Variants in CASK observed in about 807,000 individuals in gnomAD.
The protein encoded by CASK is calcium/calmodulin dependent serine protein kinase.
Under a neutral mutation model 82.9 loss-of-function variants are expected in CASK, and 4 were observed. That is an observed-to-expected ratio of 0.05 (90% CI 0.02 to 0.11). The LOEUF (loss-of-function observed/expected upper bound fraction) is 0.11, where lower values mean the gene tolerates loss of function less well. Ranked by LOEUF, CASK falls within the 10% of genes least tolerant of loss-of-function variation. The pLI is 1.00. For synonymous variants in CASK, 259 were observed against 253.5 expected (o/e 1.02, Z -0.20); for missense variants, 358 against 720.9 (o/e 0.50, Z 5.76).
intron 1 of CASK, among the ~76,000 whole-genome samples, chrX:41,889,367 T>C (rs950186527): frequency 9.0e-6 from 1 of 110,622 alleles, no homozygotes; most frequent in Admixed American, 9.7e-5. Flanking sequence ...TGGTATTGCA[T>C]TGTGGTTTTG....
chrX:41,555,450 T>C (rs767332504), intron 20 of CASK, 150 bp downstream of exon 20: 1 of 469,089 alleles, frequency 2.1e-6, no homozygotes, highest in African/African-American at 2.4e-5. Context: ...GAATTAGTCA[T>C]GTGTAATGTG....
At chrX:41,854,222 GCGCACACACACACACACACACA>G (rs1397084035) in intron 1 of CASK, among the ~76,000 whole-genome samples, 3 of 83,458 alleles carry the variant, frequency 3.6e-5, no homozygotes, top group Non-Finnish European at 2.3e-5. Context: ...GCGCGGGCGC[GCGCACACACACACACACACACA>G]CACACACACA....
At chrX:41,764,165 A>G (rs1450342064) in intron 3 of CASK, among the ~76,000 whole-genome samples, 1 of 111,602 alleles carries the variant, frequency 9.0e-6, no homozygotes, top group Non-Finnish European at 1.9e-5. Flanking sequence ...GGAACTAAGA[A>G]TTACCCAAAC....
intron 2 of CASK, among the ~76,000 whole-genome samples, chrX:41,817,504 A>C (rs2070436823): frequency 8.9e-6 from 1 of 111,858 alleles, no homozygotes; most frequent in Admixed American, 9.5e-5. Flanking sequence ...TCTACAAAAA[A>C]GCTATTAGAA....
At chrX:41,854,274 G>A (rs1449726323) in intron 1 of CASK, among the ~76,000 whole-genome samples, 5 of 69,977 alleles carry the variant, frequency 7.1e-5, no homozygotes, top group Non-Finnish European at 1.2e-4. Flanking sequence ...ACACACACAC[G>A]GTTCCCTGTG....
At chrX:41,642,453 T>C (rs1437328608) in intron 8 of CASK, among the ~76,000 whole-genome samples, 1 of 112,154 alleles carries the variant, frequency 8.9e-6, no homozygotes, top group Admixed American at 9.4e-5. Context: ...TGGTGTGAGA[T>C]GGTATCTCAT....
intron 2 of CASK, among the ~76,000 whole-genome samples, chrX:41,813,426 GA>G (rs2070344343): frequency 9.0e-6 from 1 of 110,825 alleles, no homozygotes; most frequent in Admixed American, 9.6e-5. Flanking sequence ...AGAGCCCTCA[GA>G]AATAATACCA....
At chrX:41,818,557 C>G (rs759247681) in intron 2 of CASK, among the ~76,000 whole-genome samples, 1 of 110,421 alleles carries the variant, frequency 9.1e-6, no homozygotes, top group South Asian at 3.9e-4. Context: ...GAGCTGAGAT[C>G]ACCCCACTGC....
intron 2 of CASK, among the ~76,000 whole-genome samples, chrX:41,826,922 T>C (rs2070680597): frequency 8.9e-6 from 1 of 112,419 alleles, no homozygotes; most frequent in African/African-American, 3.2e-5. Flanking sequence ...TTAATAATTA[T>C]TGACTATTTA....
chrX:41,921,828 C>G (rs1223329882), intron 1 of CASK, among the ~76,000 whole-genome samples: 1 of 98,426 alleles, frequency 1.0e-5, no homozygotes, highest in Non-Finnish European at 2.0e-5. Context: ...GGTTTCATTT[C>G]CCAACTGTGG....
chrX:41,887,296 CCACACACACA>C (rs3055225), intron 1 of CASK, among the ~76,000 whole-genome samples: 223 of 83,493 alleles, frequency 2.7e-3, no homozygotes, highest in Middle Eastern at 6.1e-3. Context: ...CTAGTTGAGT[CCACACACACA>C]CACACACACA....
chrX:41,628,326 C>T (rs1386166610), intron 9 of CASK, among the ~76,000 whole-genome samples: 1 of 111,926 alleles, frequency 8.9e-6, no homozygotes, highest in Non-Finnish European at 1.9e-5. Context: ...TTTTTTGAGA[C>T]AGGGTCTCGC....
At chrX:41,883,262 T>C (rs1195407) in intron 1 of CASK, among the ~76,000 whole-genome samples, 20,261 of 111,157 alleles carry the variant, frequency 0.18, 1,537 homozygotes, top group Middle Eastern at 0.3. Context: ...AGCCTTCAAT[T>C]TAAATCGACT....
At chrX:41,869,466 G>A (rs931324744) in intron 1 of CASK, among the ~76,000 whole-genome samples, 3 of 110,968 alleles carry the variant, frequency 2.7e-5, no homozygotes, top group African/African-American at 6.6e-5. Context: ...AAAAGATACC[G>A]TATCTTAGAA....
intron 4 of CASK, among the ~76,000 whole-genome samples, chrX:41,744,129 CAA>C (rs79706632): frequency 1.1e-5 from 1 of 91,880 alleles, no homozygotes; most frequent in African/African-American, 4.0e-5. Flanking sequence ...GCACCCCCCG[CAA>C]AAAAAAAAAA....
intron 10 of CASK, among the ~76,000 whole-genome samples, chrX:41,625,942 CTTTTTTTTTTTTT>C (rs748063155): frequency 2.5e-5 from 1 of 40,367 alleles, no homozygotes; most frequent in African/African-American, 8.8e-5. Context: ...GCACGCCTGG[CTTTTTTTTTTTTT>C]TTTTTTTTTT....
At chrX:41,550,879 C>T (rs903421306) in intron 21 of CASK, among the ~76,000 whole-genome samples, 1 of 111,687 alleles carries the variant, frequency 9.0e-6, no homozygotes, top group African/African-American at 3.3e-5. Flanking sequence ...CCATTGCACT[C>T]CAGCCTGGGC....
chrX:41,826,881 T>A (rs886893393), intron 2 of CASK, among the ~76,000 whole-genome samples: 3 of 112,364 alleles, frequency 2.7e-5, no homozygotes, highest in African/African-American at 9.7e-5. Context: ...TTTAGTGTAA[T>A]TGTATCCCTT....
chrX:41,760,067 C>T (rs973731176), intron 3 of CASK, among the ~76,000 whole-genome samples: 1 of 111,928 alleles, frequency 8.9e-6, no homozygotes. Flanking sequence ...AATTCTAAGA[C>T]GACCTCTGGA....
Sources: gnomAD v4.1 joint callset for allele counts (sites outside exome capture counted in the v4.1 genomes callset) on GRCh38, gnomAD v4.1.1 for gene constraint, MANE v1.5 for transcripts, NCBI Gene and HGNC (gene_info 2026-07-23, HGNC 2026-07-21) for gene names.